The following ZBBX variants were observed in gnomAD, a reference collection of about 807,000 sequenced individuals.
ZBBX encodes the protein zinc finger B-box domain-containing protein 1.
ZBBX carries 101 observed loss-of-function variants against 108.5 expected under a neutral mutation model. That is an observed-to-expected ratio of 0.93 (90% confidence interval 0.79 to 1.10). The LOEUF (loss-of-function observed/expected upper bound fraction) is 1.10, where lower values mean the gene tolerates loss of function less well. Ranked by LOEUF, ZBBX falls within the 50% of genes least tolerant of loss-of-function variation. The pLI is 0.00. For missense variants in ZBBX, 1,009 were observed against 941.4 expected, an observed-to-expected ratio of 1.07 and a Z score of -0.94; for synonymous variants, 356 against 323.4, an observed-to-expected ratio of 1.10 and a Z score of -1.08.
At chr3:167,353,851 C>T (rs2108510362) in intron 8 of ZBBX, among the ~76,000 whole-genome samples, 1 of 152,018 alleles carries the variant, frequency 6.6e-6, no homozygotes, top group African/African-American at 2.4e-5. Context: ...TTCAATCCTA[C>T]CATGTGGCTC....
intron 20 of ZBBX, among the ~76,000 whole-genome samples, chr3:167,249,571 C>T (rs1722208156): frequency 6.6e-6 from 1 of 152,138 alleles, no homozygotes; most frequent in African/African-American, 2.4e-5. Flanking sequence ...AAATTTGGGC[C>T]TAGTAAGGTC....
At chr3:167,208,470 A>G in the ZBBX span, among the ~76,000 whole-genome samples, 1 of 152,216 alleles carries the variant, frequency 6.6e-6, no homozygotes, top group African/African-American at 2.4e-5. Context: ...CTAGGATACC[A>G]GCACAGCTAC....
chr3:167,212,467 C>A, the ZBBX span, among the ~76,000 whole-genome samples: 1 of 152,152 alleles, frequency 6.6e-6, no homozygotes, highest in East Asian at 1.9e-4. Flanking sequence ...GAACAAAGAC[C>A]CTAAGCCTTA....
intron 9 of ZBBX, among the ~76,000 whole-genome samples, chr3:167,338,954 T>C (rs967550876): frequency 6.6e-6 from 1 of 152,146 alleles, no homozygotes; most frequent in Non-Finnish European, 1.5e-5. Flanking sequence ...AAAATTGTTA[T>C]ATATATTCTA....
At chr3:167,226,508 GA>G in the ZBBX span, among the ~76,000 whole-genome samples, 2 of 151,800 alleles carry the variant, frequency 1.3e-5, no homozygotes, top group Non-Finnish European at 2.9e-5. Flanking sequence ...CCACTGTGAA[GA>G]ATATTGTAGC....
At chr3:167,332,950 G>C (rs943188025) in intron 10 of ZBBX, among the ~76,000 whole-genome samples, 10 of 151,984 alleles carry the variant, frequency 6.6e-5, no homozygotes, top group African/African-American at 2.4e-4. Flanking sequence ...GCAGTGTCTG[G>C]TCTTCAATAC....
chr3:167,221,574 G>C, the ZBBX span, among the ~76,000 whole-genome samples: 4 of 151,748 alleles, frequency 2.6e-5, no homozygotes, highest in Non-Finnish European at 4.4e-5. Context: ...ACTACAATTA[G>C]AGATTTTGAA....
chr3:167,349,597 C>T (rs1411433263), intron 9 of ZBBX, among the ~76,000 whole-genome samples: 1 of 151,972 alleles, frequency 6.6e-6, no homozygotes, highest in African/African-American at 2.4e-5. Context: ...AGATTGAAAT[C>T]TACCAGTAAT....
rs750522048 is a variant in ZBBX, at chr3:167,305,814, C to A, written c.1554G>T (p.Lys518Asn). ...EKNIGLESNQ[K>N]SDDSCVSLES... is the part of the protein sequence containing the mutation. The stretch of plus-strand genomic sequence containing the variant: ...CAAGTGATACACAGGAATCATCAGA[C>A]TTTTGATTACTTTCTAAACCTATAT... Residue 518 changes from lysine to asparagine, a missense_variant, in exon 17 of 22, where the codon AAG (lysine) becomes AAT (asparagine). By Grantham distance (94) the Lys-to-Asn change is moderately conservative (BLOSUM62 0). Transcript: ENST00000675490. The A allele has an allele frequency of 4.3e-6, 7 of 1,612,526 alleles. No homozygotes were observed. Among genetic ancestry groups the A allele is most frequent in the Non-Finnish European group, 8.5e-7 (1 of 1,179,338 alleles).
Position 167,240,783 on chromosome 3 carries a change from C to T in ZBBX, c.*10G>A. The T allele has an allele frequency of 6.2e-7, 1 of 1,610,506 alleles. No homozygotes were observed. The highest frequency in any genetic ancestry group is 1.1e-5 in the South Asian group (1 of 90,626). On this transcript the variant is annotated 3_prime_UTR_variant, in exon 22 of 22. Transcript: ENST00000675490. ...GGTACAAAATGGAAACAGTAATGAA[C>T]AAATAATCTTTAAGTACTCTTTGAC...
rs1746525185 is a variant in ZBBX at position 167,373,789 on chromosome 3, T to A, written c.-131-2A>T. On this transcript the variant is annotated splice_acceptor_variant, in intron 2 of 21. Coordinates refer to ENST00000675490, the MANE Select transcript of ZBBX (RefSeq NM_001199201.2). LOFTEE classifies it low-confidence loss of function (5UTR_SPLICE). ...GACGAAGATGAAGAGGAGTTGGTCC[T>A]GTCTCAGGAGTGGCAGAGATGGAAG... 6.6e-6 allele frequency: 1 copy of A among 152,184 alleles called. No homozygotes were observed. The highest frequency in any genetic ancestry group is 1.5e-5 in the Non-Finnish European group (1 of 68,032). 9.4% of individuals were successfully genotyped at this position (152,184 alleles called of 1,614,324 possible).
chr3:167,368,457 T>C lies in ZBBX; in HGVS notation c.182+4A>G. On this transcript the variant is annotated splice_donor_region_variant and intron_variant, in intron 5 of 21. Transcript: ENST00000675490. ...ATCTAAAATTCTCTAAGAGTTTCAC[T>C]CACTCTCTATCTTCCTTTTCTTTGT... is the stretch of plus-strand genomic sequence containing the variant. 6.3e-7 allele frequency: 1 copy of C among 1,597,394 alleles called. No individual in the cohort carries two copies. Among genetic ancestry groups the C allele is most frequent in the Non-Finnish European group, 8.6e-7 (1 of 1,165,716 alleles).
At chr3:167,293,658 T>C (rs1232421806) in intron 18 of ZBBX, among the ~76,000 whole-genome samples, 1 of 152,112 alleles carries the variant, frequency 6.6e-6, no homozygotes, top group Non-Finnish European at 1.5e-5. Flanking sequence ...CCCTCTGTCA[T>C]CACTCCTATT....
At chr3:167,398,492 TA>T (rs1748318458) in intron 1 of ZBBX, among the ~76,000 whole-genome samples, 1 of 152,070 alleles carries the variant, frequency 6.6e-6, no homozygotes, top group African/African-American at 2.4e-5. Context: ...TTATAGGCCT[TA>T]AATTATGATA....
chr3:167,298,206 G>T, intron 18 of ZBBX, 99 bp downstream of exon 18: 1 of 963,962 alleles, frequency 1.0e-6, no homozygotes, highest in African/African-American at 1.7e-5. Context: ...AATAATTTTA[G>T]GCTGGCAAGA....
At chr3:167,284,230 T>C (rs1729327509) in intron 19 of ZBBX, among the ~76,000 whole-genome samples, 1 of 151,090 alleles carries the variant, frequency 6.6e-6, no homozygotes, top group Admixed American at 6.6e-5. Context: ...ATTATTTTTA[T>C]GACTATAAGT....
At chr3:167,346,113 G>A (rs753641382) in intron 9 of ZBBX, among the ~76,000 whole-genome samples, 36 of 151,802 alleles carry the variant, frequency 2.4e-4, no homozygotes, top group Non-Finnish European at 4.7e-4. Flanking sequence ...AGGAATGCCT[G>A]ATATATTAAG....
chr3:167,182,711 G>C, the ZBBX span, among the ~76,000 whole-genome samples: 1 of 152,198 alleles, frequency 6.6e-6, no homozygotes, highest in African/African-American at 2.4e-5. Flanking sequence ...TAACTGAGCA[G>C]GAGTCAGGCA....
intron 20 of ZBBX, among the ~76,000 whole-genome samples, chr3:167,265,467 G>T (rs1725296950): frequency 1.3e-5 from 2 of 152,180 alleles, no homozygotes; most frequent in South Asian, 2.1e-4. Flanking sequence ...GCAAGACAAA[G>T]CCCTCCTTAC....
Sources: gnomAD v4.1 joint callset for allele counts (sites outside exome capture counted in the v4.1 genomes callset) on GRCh38, gnomAD v4.1.1 for gene constraint, MANE v1.5 for transcripts, NCBI Gene and HGNC (gene_info 2026-07-23, HGNC 2026-07-21) for gene names.